The following SURF1 variants were observed in gnomAD, a reference collection of about 807,000 sequenced individuals.
SURF1 encodes surfeit locus protein 1.
In SURF1, 45 loss-of-function variants were observed where a neutral mutation model predicts 34.1. The ratio of observed to expected loss-of-function variants is 1.32; its 90% CI spans 1.04 to 1.69. The LOEUF is 1.69. Ranked by LOEUF, SURF1 falls within the 40% of genes most tolerant of loss-of-function variation. The pLI is 0.00. For synonymous variants in SURF1, 188 were observed against 147.5 expected, an observed-to-expected ratio of 1.27 and a Z score of -1.99; for missense variants, 456 against 384.6, an observed-to-expected ratio of 1.19 and a Z score of -1.55.
intron 4 of SURF1, chr9:133,354,233 A>T (rs1367409658): frequency 1.9e-6 from 1 of 527,636 alleles, no homozygotes; most frequent in Non-Finnish European, 3.4e-6. Flanking sequence ...ACTGTTTGCT[A>T]CCCTGAATGG....
At chr9:133,355,094 C>T in intron 2 of SURF1, 137 bp from the exon 3 acceptor site, 1 of 1,158,498 alleles carries the variant, frequency 8.6e-7, no homozygotes, top group South Asian at 1.2e-5. Flanking sequence ...TGTATCCAGC[C>T]CAGCTCCTAA....
In SURF1 at chr9:133,354,807, C is replaced by G; in HGVS notation, c.240+17G>C. On this transcript the variant is annotated intron_variant, in intron 3 of 8. Transcript: ENST00000371974. ...GTCAAGGGCCCAGAGTTACGCACAC[C>G]AGATGCCGGTCTTTACCTGCCATGT... The G allele has an allele frequency of 6.2e-7, 1 of 1,613,656 alleles. No homozygotes were observed. Among genetic ancestry groups the G allele is most frequent in the Non-Finnish European group, 8.5e-7 (1 of 1,179,990 alleles).
intron 4 of SURF1, chr9:133,354,243 G>A (rs1564349588): frequency 1.9e-6 from 1 of 517,768 alleles, no homozygotes; most frequent in Non-Finnish European, 3.5e-6. Flanking sequence ...ACCCTGAATG[G>A]AAAATGTGGC....
At chr9:133,355,021 G>C in intron 2 of SURF1, 64 bp from the exon 3 acceptor site, 3 of 1,602,528 alleles carry the variant, frequency 1.9e-6, no homozygotes, top group Admixed American at 3.3e-5. Context: ...GGAGCAGCCC[G>C]TTCCAAGACA....
At position 133,351,926 on chromosome 9, in the gene SURF1, G is replaced by T; in HGVS notation, c.890C>A (p.Thr297Lys). ...GCAGCTGATCTGTCACACACCAGGT[G>T]TCCCACGTAGGAATTTCTTAAACCA... ...YLWFKKFLRG[T>K]PGV Residue 297 changes from threonine (T) to lysine (K), a missense_variant, in exon 9 of 9, where the codon ACA (threonine) becomes AAA (lysine). By Grantham distance (78) the Thr-to-Lys change is moderately conservative. Coordinates refer to ENST00000371974, the MANE Select transcript of SURF1 (RefSeq NM_003172.4). 1 of 1,613,756 alleles carries T rather than the reference G, an allele frequency of 6.2e-7. No homozygotes were observed. The highest frequency in any genetic ancestry group is 1.3e-5 in the African/African-American group (1 of 75,034).
chr9:133,355,964 G>C (rs1447857945), intron 2 of SURF1: 1 of 529,252 alleles, frequency 1.9e-6, no homozygotes, highest in Non-Finnish European at 3.4e-6. Context: ...TGGGCTTTCA[G>C]CCTGGGCTGG....
At chr9:133,354,357 G>C in intron 4 of SURF1, 1 of 513,714 alleles carries the variant, frequency 1.9e-6, no homozygotes. Context: ...TACATTATCT[G>C]TCCTCAGCCA....
At chr9:133,355,135 C>T (rs2130020733) in intron 2 of SURF1, among the ~76,000 whole-genome samples, 178 bp from the exon 3 acceptor site, 10 of 152,234 alleles carry the variant, frequency 6.6e-5, no homozygotes, top group Non-Finnish European at 1.2e-4. Context: ...ACACACAGTA[C>T]GTCTGCCAAG....
intron 4 of SURF1, 90 bp downstream of exon 4, chr9:133,354,569 C>T: frequency 1.3e-6 from 2 of 1,507,592 alleles, no homozygotes; most frequent in Non-Finnish European, 1.8e-6. Context: ...CTAAAAGTCC[C>T]ACCAAAAGGG....
At chr9:133,353,701 C>A (rs1836493118) in intron 5 of SURF1, 48 bp downstream of exon 5, 2 of 1,606,106 alleles carry the variant, frequency 1.2e-6, no homozygotes, top group Non-Finnish European at 1.7e-6. Flanking sequence ...AATTAGTATA[C>A]CCTGACTGCC....
chr9:133,354,032 C>T, intron 4 of SURF1, 92 bp from the exon 5 acceptor site: 1 of 1,462,356 alleles, frequency 6.8e-7, no homozygotes, highest in Non-Finnish European at 9.6e-7. Context: ...CAGGGCCAGA[C>T]AAGTGAAGGA....
At position 133,352,064 on chromosome 9, in the gene SURF1, G is replaced by C; in HGVS notation, c.830C>G (p.Thr277Ser). 4 of 1,611,976 alleles carry C rather than the reference G, an allele frequency of 2.5e-6. No individual in the cohort carries two copies. The highest frequency in any genetic ancestry group is 1.3e-5 in the African/African-American group (1 of 75,038). Residue 277 changes from threonine to serine, a missense_variant, in exon 8 of 9, where the codon ACC becomes AGC. Transcript: ENST00000371974. ...LRNEHLQYIV[T>S]WYGLSAATSY... ...CAGAGGGCCGCTGGGGACTCACCAGGTCACGATGTACTGCAGATGCTCGTT... is the reference window on the plus strand; with the variant it reads ...CAGAGGGCCGCTGGGGACTCACCAGCTCACGATGTACTGCAGATGCTCGTT...
In SURF1 at chr9:133,356,336, G is replaced by A. The variant is rs2130025584; in HGVS notation, c.55-16C>T. ...TGGCCGGGGCCTGCGGACACGGACG[G>A]GCGGGCTGAGCTCCGGGACCCCTCC... On this transcript the variant is annotated splice_polypyrimidine_tract_variant and intron_variant, in intron 1 of 8. Transcript: ENST00000371974. 1.3e-6 allele frequency: 2 copies of A among 1,505,200 alleles called. No individual in the cohort carries two copies. Among genetic ancestry groups the A allele is most frequent in the Non-Finnish European group, 8.8e-7 (1 of 1,135,524 alleles). 93.2% of individuals were successfully genotyped at this position (1,505,200 alleles called of 1,614,324 possible). A position where few individuals can be genotyped will look rare whatever the true frequency, so the allele number is the denominator to read the frequency against.
chr9:133,352,673 G>T (rs2130009124), intron 6 of SURF1, 21 bp downstream of exon 6: 1 of 1,613,726 alleles, frequency 6.2e-7, no homozygotes. Context: ...CTCTAAAGTA[G>T]GAAGAGTCCA....
At chr9:133,352,229 A>T in intron 7 of SURF1, 87 bp from the exon 8 acceptor site, 1 of 1,431,134 alleles carries the variant, frequency 7.0e-7, no homozygotes, top group Non-Finnish European at 9.6e-7. Context: ...TTGCGTGGCC[A>T]GTTGGAAGTC....
chr9:133,354,140 A>T, intron 4 of SURF1, 200 bp from the exon 5 acceptor site: 2 of 664,592 alleles, frequency 3.0e-6, no homozygotes, highest in Non-Finnish European at 5.4e-6. Context: ...GAGGCTAAAA[A>T]TCTGGACTCC....
At chr9:133,352,039 CA>C in intron 8 of SURF1, 21 bp downstream of exon 8, 2 of 1,612,520 alleles carry the variant, frequency 1.2e-6, no homozygotes, top group Non-Finnish European at 1.7e-6. Context: ...GGGAGGAAGC[CA>C]GAGGGCCGCT....
At chr9:133,352,199 C>T in intron 7 of SURF1, 57 bp from the exon 8 acceptor site, 3 of 1,521,470 alleles carry the variant, frequency 2.0e-6, no homozygotes, top group Non-Finnish European at 2.7e-6. Context: ...CTCTGCACCA[C>T]TTCCTAGTGG....
Position 133,351,917 on chromosome 9 carries a change from A to G in SURF1, c.899T>C (p.Val300Ala). The G allele has an allele frequency of 6.2e-7, 1 of 1,613,654 alleles. No homozygotes were observed. Among genetic ancestry groups the G allele is most frequent in the Non-Finnish European group, 8.5e-7 (1 of 1,179,874 alleles). The change falls in exon 9 of 9, where the codon GTG (valine) becomes GCG (alanine). Residue 300 changes from valine (V) to alanine (A), a missense_variant. Coordinates refer to ENST00000371974, the MANE Select transcript of SURF1 (RefSeq NM_003172.4). ...FKKFLRGTPGV is the reference protein window; with the variant it reads ...FKKFLRGTPGA The stretch of plus-strand genomic sequence containing the variant: ...AGGGCTTCAGCAGCTGATCTGTCAC[A>G]CACCAGGTGTCCCACGTAGGAATTT...
Sources: allele counts gnomAD v4.1 joint callset (sites outside exome capture counted in the v4.1 genomes callset), GRCh38; gene constraint gnomAD v4.1.1; transcripts MANE v1.5; gene names NCBI Gene and HGNC (gene_info 2026-07-23, HGNC 2026-07-21).